PARP8: variants seen among roughly 807,000 people sequenced by gnomAD.
PARP8 encodes the protein protein mono-ADP-ribosyltransferase PARP8.
In PARP8, 51 loss-of-function variants were observed where a neutral mutation model predicts 124.1. The ratio of observed to expected loss-of-function variants is 0.41; its 90% CI spans 0.33 to 0.52. The LOEUF is 0.52. PARP8 is among the 20% of genes least tolerant of loss of function. The pLI is 0.21. For missense variants in PARP8, 860 were observed against 1,018.9 expected, an observed-to-expected ratio of 0.84 and a Z score of 2.12; for synonymous variants, 391 against 361.5, an observed-to-expected ratio of 1.08 and a Z score of -0.93.
chr5:50,717,831 C>T (rs751775536), intron 2 of PARP8, among the ~76,000 whole-genome samples: 13 of 151,800 alleles, frequency 8.6e-5, no homozygotes, highest in Admixed American at 3.3e-4. Flanking sequence ...ATTAACTACT[C>T]ATTGCTACTG....
intron 2 of PARP8, among the ~76,000 whole-genome samples, chr5:50,715,878 C>T (rs556318657): frequency 1.7e-4 from 26 of 152,006 alleles, no homozygotes; most frequent in Non-Finnish European, 3.4e-4. Context: ...ATACTACCTT[C>T]TTCATACATA....
intron 2 of PARP8, among the ~76,000 whole-genome samples, chr5:50,735,951 G>A (rs1428541873): frequency 7.0e-6 from 1 of 143,220 alleles, no homozygotes; most frequent in African/African-American, 2.9e-5. Context: ...GGAGATCTAG[G>A]GGATTCCCCC....
intron 9 of PARP8, among the ~76,000 whole-genome samples, 183 bp from the exon 10 acceptor site, chr5:50,788,340 A>T (rs563113230): frequency 6.7e-6 from 1 of 150,200 alleles, no homozygotes; most frequent in South Asian, 2.1e-4. Context: ...ACATTAATGT[A>T]TAATGACCAA....
intron 16 of PARP8, among the ~76,000 whole-genome samples, chr5:50,821,909 C>A (rs1009332031): frequency 2.0e-5 from 3 of 152,182 alleles, no homozygotes; most frequent in Admixed American, 1.3e-4. Flanking sequence ...TGTATGCTAT[C>A]ATTTGTATAC....
intron 7 of PARP8, among the ~76,000 whole-genome samples, chr5:50,764,726 C>A (rs931054429): frequency 9.9e-5 from 15 of 151,724 alleles, no homozygotes; most frequent in Admixed American, 2.6e-4. Context: ...AGGTAATATG[C>A]ATATTTATAA....
intron 2 of PARP8, among the ~76,000 whole-genome samples, chr5:50,732,022 C>T (rs1467868321): frequency 3.3e-5 from 5 of 151,922 alleles, no homozygotes; most frequent in African/African-American, 4.8e-5. Flanking sequence ...AATATGCCCT[C>T]GATTATTTTT....
At chr5:50,811,508 T>A (rs567611317) in intron 14 of PARP8, among the ~76,000 whole-genome samples, 2 of 152,202 alleles carry the variant, frequency 1.3e-5, no homozygotes, top group South Asian at 4.1e-4. Flanking sequence ...TTTTTCCTTT[T>A]CTTTGAAATT....
At position 50,778,138 on chromosome 5, in the gene PARP8, C is replaced by T; in HGVS notation, c.579+9C>T. The stretch of plus-strand genomic sequence containing the variant: ...ATGTTAGCTTTCTTGATGTAAGTAT[C>T]AATTTTATGTAATATGAATGGTGCA... On this transcript the variant is annotated intron_variant, in intron 8 of 25. Transcript: ENST00000281631. 6.4e-7 allele frequency: 1 copy of T among 1,561,370 alleles called. No homozygotes were observed. Among genetic ancestry groups the T allele is most frequent in the Non-Finnish European group, 8.8e-7 (1 of 1,138,218 alleles).
At chr5:50,811,890 C>CA (rs1386173495) in intron 14 of PARP8, among the ~76,000 whole-genome samples, 1 of 152,178 alleles carries the variant, frequency 6.6e-6, no homozygotes, top group African/African-American at 2.4e-5. Flanking sequence ...TTTCCAGCTT[C>CA]ATCCATGTTG....
intron 2 of PARP8, among the ~76,000 whole-genome samples, chr5:50,725,369 G>A (rs574192903): frequency 1.3e-5 from 2 of 152,038 alleles, no homozygotes; most frequent in Admixed American, 1.3e-4. Context: ...TGTTTGTGTT[G>A]CATCAAATGA....
chr5:50,670,540 A>T (rs558222947), intron 2 of PARP8, among the ~76,000 whole-genome samples: 3 of 152,374 alleles, frequency 2.0e-5, no homozygotes, highest in Admixed American at 2.0e-4. Flanking sequence ...CCAAGAGGCG[A>T]TTGTGTCCAT....
At position 50,800,355 on chromosome 5, in the gene PARP8, A is replaced by G. The variant is rs1324128031; in HGVS notation, c.1575+3122A>G. Among the ~76,000 whole-genome samples the G allele has an allele frequency of 2.6e-5, 4 of 152,234 alleles. No individual in the cohort carries two copies. The East Asian group carries it at 7.7e-4, about 29-fold the overall frequency. ...TTTTGGATTCTTTGTTTCTCTATAT[A>G]AAATTATGTCTCTTGCAAATAGAGT... On this transcript the variant is annotated intron_variant, in intron 14 of 25. Coordinates refer to ENST00000281631, the MANE Select transcript of PARP8 (RefSeq NM_024615.4).
intron 6 of PARP8, among the ~76,000 whole-genome samples, chr5:50,762,876 T>C (rs1031124385): frequency 6.6e-6 from 1 of 152,248 alleles, no homozygotes; most frequent in Admixed American, 6.5e-5. Context: ...TTGATGTTCA[T>C]TCTAGAAGTT....
chr5:50,832,216 A>T (rs1278989736), intron 22 of PARP8, among the ~76,000 whole-genome samples: 5 of 152,138 alleles, frequency 3.3e-5, no homozygotes, highest in African/African-American at 1.2e-4. Context: ...AAATCTACCT[A>T]TTCTAAAACA....
chr5:50,758,726 C>A (rs566300467), intron 3 of PARP8, among the ~76,000 whole-genome samples: 1 of 152,082 alleles, frequency 6.6e-6, no homozygotes. Context: ...GGTCAAAAAG[C>A]TCTTCTGAGA....
In PARP8 at chr5:50,794,408, T is replaced by G. The variant is rs1742291846; in HGVS notation, c.863+76T>G. 4.0e-6 allele frequency: 6 copies of G among 1,515,458 alleles called. No individual in the cohort carries two copies. In the Admixed American group the frequency reaches 9.4e-5, roughly 24 times the overall value. The allele number at this position is 1,515,458 out of a possible 1,614,324, so 93.9% of individuals were successfully genotyped here. ...TGTAGTTCATGCTTACAGCATTCTT[T>G]CTATAGTGTTGGCATCTGTTTATTT... On this transcript the variant is annotated intron_variant, in intron 11 of 25. Coordinates refer to ENST00000281631, the MANE Select transcript of PARP8 (RefSeq NM_024615.4).
chr5:50,718,835 C>T (rs1486103227), intron 2 of PARP8, among the ~76,000 whole-genome samples: 1 of 151,986 alleles, frequency 6.6e-6, no homozygotes, highest in Non-Finnish European at 1.5e-5. Flanking sequence ...AGTATATACA[C>T]AGCAATGGAA....
At chr5:50,757,858 G>A (rs1449046492) in intron 3 of PARP8, among the ~76,000 whole-genome samples, 1 of 152,060 alleles carries the variant, frequency 6.6e-6, no homozygotes, top group African/African-American at 2.4e-5. Flanking sequence ...ATTGCATGAT[G>A]CTATCCACCT....
At chr5:50,775,139 C>CACTTCCTA (rs1448789773) in intron 7 of PARP8, among the ~76,000 whole-genome samples, 1 of 152,164 alleles carries the variant, frequency 6.6e-6, no homozygotes, top group Admixed American at 6.5e-5. Flanking sequence ...AGACACTCCT[C>CACTTCCTA]ACTTCCTAGA....
Sources: allele counts gnomAD v4.1 joint callset (sites outside exome capture counted in the v4.1 genomes callset), GRCh38; gene constraint gnomAD v4.1.1; transcripts MANE v1.5; gene names NCBI Gene and HGNC (gene_info 2026-07-23, HGNC 2026-07-21).